The following SLC22A4 variants were observed in gnomAD, a reference collection of about 807,000 sequenced individuals.
The protein encoded by SLC22A4 is ET transporter.
A neutral mutation model predicts 56.6 loss-of-function variants in SLC22A4; 39 were observed. The ratio of observed to expected loss-of-function variants is 0.69; its 90% CI spans 0.53 to 0.90. SLC22A4 has a LOEUF of 0.90. Among genes scored for constraint, SLC22A4 ranks in the 40% least tolerant of loss-of-function variants. The probability of loss-of-function intolerance (pLI) is 0.00; values close to 1 mark genes in which losing one functional copy is unlikely to be tolerated. For synonymous variants in SLC22A4, 241 were observed against 281.4 expected (o/e 0.86, Z 1.44); for missense variants, 594 against 696.5 (o/e 0.85, Z 1.66).
intron 4 of SLC22A4, among the ~76,000 whole-genome samples, chr5:132,326,859 A>T (rs969849391): frequency 1.3e-5 from 2 of 152,366 alleles, no homozygotes; most frequent in African/African-American, 2.4e-5. Context: ...AACTGTGAAC[A>T]TCACCAGCTG....
chr5:132,315,174 A>G (rs270606), intron 3 of SLC22A4, among the ~76,000 whole-genome samples: 108,122 of 152,018 alleles, frequency 0.71, 39,118 homozygotes, highest in African/African-American at 0.83. Flanking sequence ...TCCATCTTCC[A>G]TGTGACGATC....
chr5:132,342,969 C>T (rs1751267060), intron 9 of SLC22A4, among the ~76,000 whole-genome samples: 2 of 152,184 alleles, frequency 1.3e-5, no homozygotes, highest in South Asian at 4.1e-4. Flanking sequence ...CCAGAGGTTC[C>T]AGGCTTCTAA....
intron 6 of SLC22A4, among the ~76,000 whole-genome samples, chr5:132,333,182 G>C (rs1048713598): frequency 6.6e-6 from 1 of 152,130 alleles, no homozygotes; most frequent in East Asian, 1.9e-4. Context: ...TTAATAATAA[G>C]CAAATTTCTA....
At chr5:132,312,031 A>C (rs2126710390) in intron 1 of SLC22A4, 130 bp from the exon 2 acceptor site, 1 of 773,626 alleles carries the variant, frequency 1.3e-6, no homozygotes, top group East Asian at 2.4e-5. Context: ...TGCCCTTTGT[A>C]CAAAGGCAAT....
intron 6 of SLC22A4, among the ~76,000 whole-genome samples, chr5:132,334,059 T>A (rs1327405503): frequency 6.6e-6 from 1 of 152,190 alleles, no homozygotes; most frequent in Non-Finnish European, 1.5e-5. Context: ...TTTGCCTGCC[T>A]CGGTCTCCCA....
At chr5:132,307,550 A>G (rs1750070357) in intron 1 of SLC22A4, among the ~76,000 whole-genome samples, 1 of 152,196 alleles carries the variant, frequency 6.6e-6, no homozygotes, top group Non-Finnish European at 1.5e-5. Flanking sequence ...TGCTCAGGAC[A>G]AATAAAATGC....
At chr5:132,331,928 T>C (rs1369735853) in intron 6 of SLC22A4, 78 bp downstream of exon 6, 1 of 926,842 alleles carries the variant, frequency 1.1e-6, no homozygotes, top group Non-Finnish European at 1.8e-6. Flanking sequence ...AGAGGAACAT[T>C]ATGACAACGA....
At chr5:132,307,045 G>T (rs962295427) in intron 1 of SLC22A4, among the ~76,000 whole-genome samples, 72 of 152,182 alleles carry the variant, frequency 4.7e-4, no homozygotes, top group African/African-American at 1.7e-3. Context: ...GGTTGCTGAA[G>T]TCTGTGAATA....
chr5:132,325,297 AAATT>A (rs1750659763), intron 4 of SLC22A4, among the ~76,000 whole-genome samples: 1 of 152,214 alleles, frequency 6.6e-6, no homozygotes, highest in Non-Finnish European at 1.5e-5. Context: ...ATTTAAGTTA[AAATT>A]AATTAAAAGT....
In SLC22A4 at chr5:132,315,643, G is replaced by A. The variant is rs946425155; in HGVS notation, c.652+1875G>A. Among the ~76,000 whole-genome samples, 7 of 152,316 alleles carry A rather than the reference G, an allele frequency of 4.6e-5. No individual in the cohort carries two copies. In the South Asian group the frequency reaches 1.4e-3, roughly 32 times the overall value. ...GGTGAAGAAGGGTAAGAGGGCCAAG[G>A]GGAAAGTAAGGCCATGGAAGATCAG... On this transcript the variant is annotated intron_variant, in intron 3 of 9. Transcript: ENST00000200652.
chr5:132,310,974 CTCTT>C (rs1750165377), intron 1 of SLC22A4, among the ~76,000 whole-genome samples: 1 of 151,692 alleles, frequency 6.6e-6, no homozygotes, highest in East Asian at 1.9e-4. Context: ...AACTTCCCTC[CTCTT>C]TATTTTCCAT....
At chr5:132,343,650 T>A (rs183485603) in intron 9 of SLC22A4, 110 bp from the exon 10 acceptor site, 1 of 713,476 alleles carries the variant, frequency 1.4e-6, no homozygotes, top group Non-Finnish European at 2.5e-6. Flanking sequence ...GTTCAAATAG[T>A]TACTTGTTCA....
chr5:132,336,574 CATT>C (rs1344683378), intron 8 of SLC22A4, among the ~76,000 whole-genome samples: 1 of 152,074 alleles, frequency 6.6e-6, no homozygotes, highest in African/African-American at 2.4e-5. Context: ...ACACAAATAA[CATT>C]ATATATGTTA....
intron 1 of SLC22A4, among the ~76,000 whole-genome samples, chr5:132,302,326 G>T (rs928750907): frequency 1.3e-5 from 2 of 152,154 alleles, no homozygotes; most frequent in African/African-American, 4.8e-5. Context: ...GACAGGACTG[G>T]TCAGGGGGAG....
At chr5:132,317,291 ACTAT>A (rs1161237654) in intron 3 of SLC22A4, among the ~76,000 whole-genome samples, 26 of 152,366 alleles carry the variant, frequency 1.7e-4, no homozygotes, top group African/African-American at 5.5e-4. Flanking sequence ...AGCCATCAAC[ACTAT>A]CTAACTCCTC....
Position 132,294,926 on chromosome 5 carries a change from G to A in SLC22A4, c.310G>A (p.Asp104Asn). 6.3e-7 allele frequency: 1 copy of A among 1,599,556 alleles called. No individual in the cohort carries two copies. The highest frequency in any genetic ancestry group is 8.5e-7 in the Non-Finnish European group (1 of 1,173,664). ...ALGLEPGRDV[D>N]LGQLEQESCL... ...CGGGCTGGAGCCGGGGCGCGACGTGGACCTGGGGCAGCTGGAGCAGGAGAG... is the reference window on the plus strand; with the variant it reads ...CGGGCTGGAGCCGGGGCGCGACGTGAACCTGGGGCAGCTGGAGCAGGAGAG... The change falls in exon 1 of 10, where the codon GAC becomes AAC. Residue 104 changes from aspartate (D) to asparagine (N), a missense_variant. Coordinates refer to ENST00000200652, the MANE Select transcript of SLC22A4 (RefSeq NM_003059.3). This position sits in a 1 kb window ranked among gnomAD's most constrained non-coding sequence, Gnocchi z 5.6.
At chr5:132,332,804 A>C (rs1750906687) in intron 6 of SLC22A4, among the ~76,000 whole-genome samples, 1 of 151,654 alleles carries the variant, frequency 6.6e-6, no homozygotes, top group Non-Finnish European at 1.5e-5. Context: ...GGCTGCAGCT[A>C]ATCTAAGTTT....
chr5:132,325,700 T>C (rs1158761934), intron 4 of SLC22A4, among the ~76,000 whole-genome samples: 1 of 152,140 alleles, frequency 6.6e-6, no homozygotes, highest in Non-Finnish European at 1.5e-5. Flanking sequence ...TATAATGGGG[T>C]TACATCCCAA....
At chr5:132,312,925 G>A (rs900271215) in intron 2 of SLC22A4, among the ~76,000 whole-genome samples, 1 of 152,216 alleles carries the variant, frequency 6.6e-6, no homozygotes, top group South Asian at 2.1e-4. Flanking sequence ...GGAAAATGGG[G>A]CGGGAAAGGC....
Sources: allele counts gnomAD v4.1 joint callset (sites outside exome capture counted in the v4.1 genomes callset), GRCh38; gene constraint gnomAD v4.1.1; non-coding constraint Gnocchi (gnomAD v3.1); transcripts MANE v1.5; gene names NCBI Gene and HGNC (gene_info 2026-07-23, HGNC 2026-07-21).